SLC17A2: variants seen among roughly 807,000 people sequenced by gnomAD.
SLC17A2 encodes the protein solute carrier family 17 member 2.
A neutral mutation model predicts 52.1 loss-of-function variants in SLC17A2; 38 were observed. That is an observed-to-expected ratio of 0.73 (90% CI 0.56 to 0.96). The LOEUF (loss-of-function observed/expected upper bound fraction) is 0.96. SLC17A2 is among the 40% of genes least tolerant of loss of function. The pLI, the probability that SLC17A2 is intolerant of heterozygous loss-of-function variation, is 0.00. For missense variants in SLC17A2, 508 were observed against 583.9 expected (o/e 0.87, Z 1.34); for synonymous variants, 226 against 211.9 (o/e 1.07, Z -0.58).
rs780777259 is a variant in SLC17A2, at chr6:25,913,347, C to T, written c.1407G>A (p.Trp469Ter). The change falls in exon 12 of 12, where the codon TGG becomes TGA. Residue 469 changes from tryptophan to a stop codon, truncating the protein, a stop_gained. Coordinates refer to ENST00000377850, the MANE Select transcript of SLC17A2 (RefSeq NM_001286123.3). LOFTEE classifies it high-confidence loss of function. ...LTFGQAELQD[W>*]AKERTLTRL is the part of the protein sequence containing the mutation. ...GGCGGGTAAGGGTCCTCTCTTTGGC[C>T]CAGTCTTGAAGTTCTGCTTGTCCAA... The T allele has an allele frequency of 6.2e-7, 1 of 1,614,118 alleles. No homozygotes were observed. Among genetic ancestry groups the T allele is most frequent in the Non-Finnish European group, 8.5e-7 (1 of 1,179,996 alleles).
rs1422928102 is a variant in SLC17A2 at position 25,916,733 on chromosome 6, T to C, written c.882A>G (p.Thr294=). 2.5e-6 allele frequency: 4 copies of C among 1,613,794 alleles called. No individual in the cohort carries two copies. In the African/African-American group the frequency reaches 4.0e-5, roughly 16 times the overall value. Residue 294 remains threonine (T), a synonymous_variant, in exon 8 of 12, where the codon ACA becomes ACG. Transcript: ENST00000377850. Reference sequence around the variant, plus strand: ...GAGTACTGATATACGTTGGTAGGTATGTTAGGATGATGGTGCACAACCAGA... The same window carrying C: ...GAGTACTGATATACGTTGGTAGGTACGTTAGGATGATGGTGCACAACCAGA... The part of the protein sequence containing the change: ...SHFWLCTIIL[T]YLPTYISTLL...
chr6:25,928,719 G>A (rs1324388465), intron 1 of SLC17A2, among the ~76,000 whole-genome samples: 1 of 152,136 alleles, frequency 6.6e-6, no homozygotes, highest in Non-Finnish European at 1.5e-5. Context: ...AAATTATGGA[G>A]GCTGAACACT....
chr6:25,914,750 T>A, intron 10 of SLC17A2, 80 bp from the exon 11 acceptor site: 1 of 828,058 alleles, frequency 1.2e-6, no homozygotes, highest in Non-Finnish European at 2.0e-6. Flanking sequence ...TTAATGCAAT[T>A]CAGCTCTAAT....
chr6:25,916,675 G>A lies in SLC17A2; in HGVS notation c.930+10C>T. ...TATCATTTTCGTAGAAGTATAGGAAGTAAACTCACATCTCTGATGTTAACA... is the reference window on the plus strand; with the variant it reads ...TATCATTTTCGTAGAAGTATAGGAAATAAACTCACATCTCTGATGTTAACA... On this transcript the variant is annotated intron_variant, in intron 8 of 11. Transcript: ENST00000377850. 1 of 1,606,034 alleles carries A rather than the reference G, an allele frequency of 6.2e-7. No homozygotes were observed. Among genetic ancestry groups the A allele is most frequent in the Non-Finnish European group, 8.5e-7 (1 of 1,172,736 alleles).
At position 25,915,814 on chromosome 6, in the gene SLC17A2, C is replaced by T; in HGVS notation, c.985G>A (p.Gly329Arg). 1 of 1,614,100 alleles carries T rather than the reference C, an allele frequency of 6.2e-7. No homozygotes were observed. Among genetic ancestry groups the T allele is most frequent in the Non-Finnish European group, 8.5e-7 (1 of 1,179,952 alleles). ...AAAAGGAAATCTGCCAGCTGACCTC[C>T]TAAAATTGTACAGCTTGCAGCAGCA... ...FIAAASCTIL[G>R]GQLADFLLSR... The change falls in exon 9 of 12, where the codon GGA (glycine) becomes AGA (arginine). Residue 329 changes from glycine (G) to arginine (R), a missense_variant. Coordinates refer to ENST00000377850, the MANE Select transcript of SLC17A2 (RefSeq NM_001286123.3).
chr6:25,913,152 G>A lies in SLC17A2; in HGVS notation c.*165C>T, dbSNP rs1766164378. ...CCAGACCAATTCATTCAGAATCTCT[G>A]GAGTGGGTCCCAAGTATCAGTGTCT... On this transcript the variant is annotated 3_prime_UTR_variant, in exon 12 of 12. Coordinates refer to ENST00000377850, the MANE Select transcript of SLC17A2 (RefSeq NM_001286123.3). The A allele has an allele frequency of 2.9e-6, 2 of 681,760 alleles. No individual in the cohort carries two copies. Among genetic ancestry groups the A allele is most frequent in the African/African-American group, 1.8e-5 (1 of 55,558 alleles). The allele number at this position is 681,760 out of a possible 1,614,324, so 42.2% of individuals were successfully genotyped here. A position where few individuals can be genotyped will look rare whatever the true frequency, so the allele number is the denominator to read the frequency against.
intron 2 of SLC17A2, 134 bp downstream of exon 2, chr6:25,925,635 A>G: frequency 1.2e-6 from 1 of 844,534 alleles, no homozygotes; most frequent in Non-Finnish European, 2.1e-6. Context: ...CAACAGGATC[A>G]GGGGCTGGAG....
chr6:25,918,389 G>A (rs1300669547), intron 6 of SLC17A2, 98 bp downstream of exon 6: 2 of 750,174 alleles, frequency 2.7e-6, no homozygotes, highest in Non-Finnish European at 4.7e-6. Flanking sequence ...ATTTGATAAA[G>A]GACATTTTCT....
At chr6:25,921,558 C>T (rs541586900) in intron 3 of SLC17A2, 146 bp from the exon 4 acceptor site, 20 of 596,514 alleles carry the variant, frequency 3.4e-5, no homozygotes, top group Admixed American at 3.0e-4. Flanking sequence ...TCCCAAATAA[C>T]CAATTATACC....
intron 4 of SLC17A2, 39 bp downstream of exon 4, chr6:25,921,140 A>T: frequency 1.2e-6 from 2 of 1,613,546 alleles, no homozygotes; most frequent in Non-Finnish European, 1.7e-6. Flanking sequence ...AGAATTCAGA[A>T]ATCTGGATCC....
Position 25,915,755 on chromosome 6 carries a change from T to C in SLC17A2, c.1044A>G (p.Arg348=). The change falls in exon 9 of 12, where the codon CGA becomes CGG. Residue 348 remains arginine (R), a synonymous_variant. Coordinates refer to ENST00000377850, the MANE Select transcript of SLC17A2 (RefSeq NM_001286123.3). ...CCTTACCAAGAGATGAAAAGAGCTTTCGCACAGTGATCAATCTGAGAAGAT... is the reference window on the plus strand; with the variant it reads ...CCTTACCAAGAGATGAAAAGAGCTTCCGCACAGTGATCAATCTGAGAAGAT... ...SRNLLRLITV[R]KLFSSLGLLL... The C allele has an allele frequency of 6.2e-7, 1 of 1,614,148 alleles. No individual in the cohort carries two copies. The highest frequency in any genetic ancestry group is 2.2e-5 in the East Asian group (1 of 44,882).
chr6:25,915,552 G>A lies in SLC17A2; in HGVS notation c.1158C>T (p.Thr386=), dbSNP rs773698597. Residue 386 remains threonine (T), a synonymous_variant, in exon 10 of 12, where the codon ACC becomes ACT. Transcript: ENST00000377850. ...TIILLILIPG[T]SNLCDSGFII... The stretch of plus-strand genomic sequence containing the variant: ...TAAACCCTGAGTCACATAGGTTACT[G>A]GTCCCAGGAATAAGTATCAGCAAAA... 6.3e-7 allele frequency: 1 copy of A among 1,586,552 alleles called. No individual in the cohort carries two copies. Among genetic ancestry groups the A allele is most frequent in the South Asian group, 1.1e-5 (1 of 87,804 alleles).
intron 5 of SLC17A2, among the ~76,000 whole-genome samples, chr6:25,919,669 C>G (rs1031800250): frequency 5.1e-5 from 6 of 117,282 alleles, no homozygotes; most frequent in African/African-American, 1.6e-4. Context: ...TACTGCAGTC[C>G]GGCCTGGGCG....
rs148629818 is a variant in SLC17A2, at chr6:25,914,525, T to G, written c.1302+55A>C. The G allele has an allele frequency of 6.5e-4, 732 of 1,126,422 alleles. 2 individuals carry two copies. The African/African-American group carries it at 8.6e-3, about 13-fold the overall frequency. The allele number at this position is 1,126,422 out of a possible 1,614,324, so 69.8% of individuals were successfully genotyped here. On this transcript the variant is annotated intron_variant, in intron 11 of 11. Transcript: ENST00000377850. ...AGATCTTTAGAGCACCGTGTGTATCTCCAACACCTAAAACAATACCTGCCA... is the reference window on the plus strand; with the variant it reads ...AGATCTTTAGAGCACCGTGTGTATCGCCAACACCTAAAACAATACCTGCCA...
chr6:25,915,385 G>C, intron 10 of SLC17A2, 114 bp downstream of exon 10: 1 of 918,200 alleles, frequency 1.1e-6, no homozygotes, highest in Admixed American at 3.2e-5. Context: ...GTAGTTATTT[G>C]TCATTCTGCC....
chr6:25,918,166 T>C (rs1314504979), intron 6 of SLC17A2, among the ~76,000 whole-genome samples: 1 of 152,232 alleles, frequency 6.6e-6, no homozygotes, highest in Non-Finnish European at 1.5e-5. Flanking sequence ...CTTAACTGCA[T>C]ATAGCAGGCA....
intron 6 of SLC17A2, 56 bp downstream of exon 6, chr6:25,918,431 G>A (rs772891972): frequency 1.7e-6 from 2 of 1,170,136 alleles, no homozygotes; most frequent in Non-Finnish European, 2.6e-6. Context: ...TGGTGTAGGT[G>A]CCAAAATGGA....
chr6:25,923,489 C>T (rs1013895411), intron 3 of SLC17A2, among the ~76,000 whole-genome samples: 4 of 152,206 alleles, frequency 2.6e-5, no homozygotes, highest in Non-Finnish European at 5.9e-5. Flanking sequence ...TTTAACTCTA[C>T]AGTTCCCCCA....
rs1033705666 is a variant in SLC17A2, at chr6:25,915,824, A to G, written c.975T>C (p.Cys325=). The stretch of plus-strand genomic sequence containing the variant: ...CTGCCAGCTGACCTCCTAAAATTGT[A>G]CAGCTTGCAGCAGCAATAAAAGGCA... The part of the protein sequence containing the change: ...SSLPFIAAAS[C]TILGGQLADF... Residue 325 remains cysteine, a synonymous_variant, in exon 9 of 12, where the codon TGT becomes TGC. Coordinates refer to ENST00000377850, the MANE Select transcript of SLC17A2 (RefSeq NM_001286123.3). 4 of 1,614,016 alleles carry G rather than the reference A, an allele frequency of 2.5e-6. No homozygotes were observed. In the African/African-American group the frequency reaches 4.0e-5, roughly 16 times the overall value.
Sources: allele counts gnomAD v4.1 joint callset (sites outside exome capture counted in the v4.1 genomes callset), GRCh38; gene constraint gnomAD v4.1.1; transcripts MANE v1.5; gene names NCBI Gene and HGNC (gene_info 2026-07-23, HGNC 2026-07-21).